Variants in ARHGAP42 observed in about 807,000 individuals in gnomAD.
ARHGAP42 encodes rho GTPase-activating protein 42.
Under a neutral mutation model 125.0 loss-of-function variants are expected in ARHGAP42, and 63 were observed. The ratio of observed to expected loss-of-function variants is 0.50; its 90% CI spans 0.41 to 0.62. The LOEUF (loss-of-function observed/expected upper bound fraction) is 0.62, where lower values mean the gene tolerates loss of function less well. Ranked by LOEUF, ARHGAP42 falls within the 20% of genes least tolerant of loss-of-function variation. The probability of loss-of-function intolerance (pLI) is 0.00; values close to 1 mark genes in which losing one functional copy is unlikely to be tolerated. For missense variants in ARHGAP42, 766 were observed against 1,024.2 expected, an observed-to-expected ratio of 0.75 and a Z score of 3.44; for synonymous variants, 339 against 351.0, an observed-to-expected ratio of 0.97 and a Z score of 0.38.
chr11:100,732,335 G>GT (rs932743781), intron 1 of ARHGAP42, among the ~76,000 whole-genome samples: 22 of 152,152 alleles, frequency 1.4e-4, no homozygotes, highest in African/African-American at 5.3e-4. Context: ...TGAATCCTCA[G>GT]TAGCTAGGAC....
chr11:100,884,949 A>C (rs908004173), intron 4 of ARHGAP42, among the ~76,000 whole-genome samples: 2 of 152,056 alleles, frequency 1.3e-5, no homozygotes, highest in Non-Finnish European at 2.9e-5. Context: ...CTCCCTCCTG[A>C]CCGTATGCCT....
At chr11:100,710,885 C>T (rs1342241774) in intron 1 of ARHGAP42, among the ~76,000 whole-genome samples, 2 of 152,136 alleles carry the variant, frequency 1.3e-5, no homozygotes, top group South Asian at 4.1e-4. Flanking sequence ...CTTTTGGCTT[C>T]AGGCTCTTTA....
At chr11:100,855,949 G>GT (rs1281872877) in intron 3 of ARHGAP42, among the ~76,000 whole-genome samples, 2 of 151,968 alleles carry the variant, frequency 1.3e-5, no homozygotes, top group Non-Finnish European at 2.9e-5. Flanking sequence ...CCATAATAAG[G>GT]TATCTTCAAT....
At chr11:100,882,799 T>G (rs1032196012) in intron 4 of ARHGAP42, among the ~76,000 whole-genome samples, 2 of 152,150 alleles carry the variant, frequency 1.3e-5, no homozygotes, top group African/African-American at 4.8e-5. Flanking sequence ...TCTGTCTGTT[T>G]AGGGTATCTA....
Position 100,798,590 on chromosome 11 carries a change from A to C in ARHGAP42, c.312+3424A>C, listed in dbSNP as rs118040506. 2.2e-3 allele frequency among the ~76,000 whole-genome samples: 340 copies of C among 152,368 alleles called. 1 individual carries two copies. Among genetic ancestry groups the C allele is most frequent in the Admixed American group, 4.8e-3 (74 of 15,308 alleles). ...CACTATTGCACACTCAGTAGACTAC[A>C]ATATTACATAAATATAACTTATTTG... is the stretch of plus-strand genomic sequence containing the variant. On this transcript the variant is annotated intron_variant, in intron 3 of 23. Coordinates refer to ENST00000298815, the MANE Select transcript of ARHGAP42 (RefSeq NM_152432.4).
rs555683452 is a variant in ARHGAP42 at position 100,975,957 on chromosome 11, C to T, written c.1856-100C>T. 433 of 1,347,410 alleles carry T rather than the reference C, an allele frequency of 3.2e-4. 5 individuals carry two copies. The South Asian group carries it at 6.3e-3, about 20-fold the overall frequency. 83.5% of individuals were successfully genotyped at this position (1,347,410 alleles called of 1,614,324 possible). A position where few individuals can be genotyped will look rare whatever the true frequency, so the allele number is the denominator to read the frequency against. On this transcript the variant is annotated intron_variant, in intron 19 of 23. Transcript: ENST00000298815. ...TACCACTTTAATGGGGTCAGGTGGC[C>T]GCAGAACACATGGTAAGTTGGAGAA...
At position 100,975,845 on chromosome 11, in the gene ARHGAP42, A is replaced by G. The variant is rs1405744386; in HGVS notation, c.1856-212A>G. ...ACATACATAAACTTCCTAAAATAGCATTGAAAAATACGTTTGGCAAGTTCA... is the reference window on the plus strand; with the variant it reads ...ACATACATAAACTTCCTAAAATAGCGTTGAAAAATACGTTTGGCAAGTTCA... On this transcript the variant is annotated intron_variant, in intron 19 of 23. Coordinates refer to ENST00000298815, the MANE Select transcript of ARHGAP42 (RefSeq NM_152432.4). Among the ~76,000 whole-genome samples the G allele has an allele frequency of 2.0e-5, 3 of 152,194 alleles. 1 individual carries two copies. The highest frequency in any genetic ancestry group is 2.0e-4 in the Admixed American group (3 of 15,268).
At chr11:100,920,412 AC>A (rs1867205354) in intron 5 of ARHGAP42, among the ~76,000 whole-genome samples, 1 of 152,124 alleles carries the variant, frequency 6.6e-6, no homozygotes, top group Admixed American at 6.5e-5. Flanking sequence ...TGGAAGTCTT[AC>A]CAATAAAATC....
chr11:100,754,837 A>G (rs887623004), intron 1 of ARHGAP42, among the ~76,000 whole-genome samples: 1 of 152,150 alleles, frequency 6.6e-6, no homozygotes, highest in African/African-American at 2.4e-5. Flanking sequence ...TTTTTACTTT[A>G]TTCTGTAATT....
chr11:100,983,244 A>T (rs529581680), intron 22 of ARHGAP42, among the ~76,000 whole-genome samples: 1 of 152,250 alleles, frequency 6.6e-6, no homozygotes, highest in Non-Finnish European at 1.5e-5. Flanking sequence ...ATATGTATTT[A>T]TTGAAAATAA....
chr11:100,835,204 T>A (rs1167693129), intron 3 of ARHGAP42, among the ~76,000 whole-genome samples: 1 of 152,158 alleles, frequency 6.6e-6, no homozygotes, highest in Non-Finnish European at 1.5e-5. Context: ...TTCTGTGGTA[T>A]GTTACTCAAG....
At chr11:100,987,200 G>A (rs946453274) in intron 22 of ARHGAP42, among the ~76,000 whole-genome samples, 3 of 152,222 alleles carry the variant, frequency 2.0e-5, no homozygotes, top group East Asian at 1.9e-4. Flanking sequence ...AGCCTATTTA[G>A]CAACTTATTA....
Position 100,687,665 on chromosome 11 carries a change from G to C in ARHGAP42, c.-14G>C. The C allele has an allele frequency of 6.9e-7, 1 of 1,448,820 alleles. No individual in the cohort carries two copies. Among genetic ancestry groups the C allele is most frequent in the Non-Finnish European group, 9.2e-7 (1 of 1,091,206 alleles). 89.7% of individuals were successfully genotyped at this position (1,448,820 alleles called of 1,614,324 possible). On this transcript the variant is annotated 5_prime_UTR_variant, in exon 1 of 24. Coordinates refer to ENST00000298815, the MANE Select transcript of ARHGAP42 (RefSeq NM_152432.4). ...CCGGACGTGTCCGCGGCCGCCGCTG[G>C]CAGCGCCTGTGCCATGGGGCTGCCC...
At chr11:100,714,075 C>A (rs1276396862) in intron 1 of ARHGAP42, among the ~76,000 whole-genome samples, 1 of 152,172 alleles carries the variant, frequency 6.6e-6, no homozygotes, top group Non-Finnish European at 1.5e-5. Flanking sequence ...AATATGGTAT[C>A]AGTATCCTGC....
At chr11:100,903,121 A>G (rs12577734) in intron 4 of ARHGAP42, among the ~76,000 whole-genome samples, 163 of 134,018 alleles carry the variant, frequency 1.2e-3, no homozygotes, top group Middle Eastern at 3.7e-3. Context: ...AGATGCGCAC[A>G]CACACACACA....
At chr11:100,794,261 G>A (rs1052707705) in intron 2 of ARHGAP42, among the ~76,000 whole-genome samples, 4 of 152,058 alleles carry the variant, frequency 2.6e-5, no homozygotes, top group Admixed American at 1.3e-4. Flanking sequence ...CATTTTTAAA[G>A]AATATGCTAC....
At chr11:100,875,107 CTGTGTGTGTGTGTGTGTGTG>C (rs67247250) in intron 4 of ARHGAP42, among the ~76,000 whole-genome samples, 5 of 82,352 alleles carry the variant, frequency 6.1e-5, no homozygotes, top group African/African-American at 9.8e-5. Flanking sequence ...CTCTCTCTCT[CTGTGTGTGTGTGTGTGTGTG>C]TGTGTGTGTG....
intron 6 of ARHGAP42, among the ~76,000 whole-genome samples, chr11:100,931,045 T>C (rs1867567279): frequency 6.6e-6 from 1 of 152,222 alleles, no homozygotes; most frequent in South Asian, 2.1e-4. Context: ...AAAGTCATTA[T>C]GTTTCCTATA....
intron 22 of ARHGAP42, among the ~76,000 whole-genome samples, chr11:100,984,387 T>TTTTTTTTTTG (rs1227558429): frequency 6.6e-6 from 1 of 151,514 alleles, no homozygotes. Flanking sequence ...TTGTGATTTT[T>TTTTTTTTTTG]AAAAATTTCC....
Sources: gnomAD v4.1 joint callset for allele counts (sites outside exome capture counted in the v4.1 genomes callset) on GRCh38, gnomAD v4.1.1 for gene constraint, MANE v1.5 for transcripts, NCBI Gene and HGNC (gene_info 2026-07-23, HGNC 2026-07-21) for gene names.